The following NPAS3 variants were observed in gnomAD, a reference collection of about 807,000 sequenced individuals.
NPAS3 encodes neuronal PAS domain-containing protein 3.
A neutral mutation model predicts 73.1 loss-of-function variants in NPAS3; 14 were observed. The ratio of observed to expected loss-of-function variants is 0.19; its 90% confidence interval spans 0.13 to 0.30. The LOEUF (loss-of-function observed/expected upper bound fraction) is 0.30, where lower values mean the gene tolerates loss of function less well. NPAS3 is among the 10% of genes least tolerant of loss of function. NPAS3 has a pLI of 1.00. For missense variants in NPAS3, 1,096 were observed against 1,250.0 expected, an observed-to-expected ratio of 0.88 and a Z score of 1.86; for synonymous variants, 620 against 541.5, an observed-to-expected ratio of 1.14 and a Z score of -2.01.
At chr14:32,952,126 TAA>T (rs2036508801) in intron 1 of NPAS3, among the ~76,000 whole-genome samples, 1 of 152,064 alleles carries the variant, frequency 6.6e-6, no homozygotes, top group Non-Finnish European at 1.5e-5. Flanking sequence ...ATATGTAGAT[TAA>T]GAGTATTTCA....
intron 5 of NPAS3, among the ~76,000 whole-genome samples, chr14:33,643,437 G>T (rs900435897): frequency 1.4e-5 from 2 of 141,854 alleles, no homozygotes; most frequent in African/African-American, 5.2e-5. Flanking sequence ...ACTGTGTAAA[G>T]TTAGCAGCAC....
chr14:33,476,639 G>A (rs1369203866), intron 4 of NPAS3, among the ~76,000 whole-genome samples: 1 of 151,994 alleles, frequency 6.6e-6, no homozygotes, highest in Non-Finnish European at 1.5e-5. Context: ...ATCCCACTTT[G>A]GGACAGTTGT....
chr14:33,675,181 AGCTTTT>A (rs565777198), intron 5 of NPAS3, among the ~76,000 whole-genome samples: 107 of 152,204 alleles, frequency 7.0e-4, no homozygotes, highest in African/African-American at 2.2e-3. Context: ...CCTGGGAAAG[AGCTTTT>A]GCTTGTCCTA....
intron 4 of NPAS3, among the ~76,000 whole-genome samples, chr14:33,429,987 A>G (rs974783193): frequency 6.6e-6 from 1 of 152,126 alleles, no homozygotes; most frequent in Admixed American, 6.6e-5. Context: ...TGGTCAGCTC[A>G]ATAGGGATGT....
intron 3 of NPAS3, among the ~76,000 whole-genome samples, chr14:33,338,212 A>C (rs1339861791): frequency 1.3e-5 from 2 of 152,080 alleles, no homozygotes; most frequent in East Asian, 3.9e-4. Context: ...CTTAGATATA[A>C]ATTTTATTTC....
At chr14:33,716,028 T>C (rs1297758000) in intron 6 of NPAS3, among the ~76,000 whole-genome samples, 1 of 152,200 alleles carries the variant, frequency 6.6e-6, no homozygotes, top group Non-Finnish European at 1.5e-5. Flanking sequence ...CTTTATAAAT[T>C]ACCCAGTCTT....
chr14:33,002,362 G>A (rs2038838847), intron 1 of NPAS3, among the ~76,000 whole-genome samples: 1 of 152,190 alleles, frequency 6.6e-6, no homozygotes, highest in Admixed American at 6.5e-5. Flanking sequence ...ATTTGGATAG[G>A]TGTTTTCATT....
At chr14:33,337,231 A>G (rs1594723307) in intron 3 of NPAS3, among the ~76,000 whole-genome samples, 1 of 152,132 alleles carries the variant, frequency 6.6e-6, no homozygotes, top group East Asian at 1.9e-4. Context: ...TCCATGATCC[A>G]TTTTGAATTA....
At chr14:33,785,234 G>A (rs2063132499) in intron 9 of NPAS3, among the ~76,000 whole-genome samples, 1 of 151,440 alleles carries the variant, frequency 6.6e-6, no homozygotes, top group African/African-American at 2.4e-5. Flanking sequence ...AGGAGTTCGA[G>A]ACCAGCCTGG....
chr14:33,584,298 A>AGAC (rs1278826938), intron 5 of NPAS3, among the ~76,000 whole-genome samples: 1 of 152,154 alleles, frequency 6.6e-6, no homozygotes, highest in Non-Finnish European at 1.5e-5. Context: ...ATGCATTTGA[A>AGAC]GACATGATTT....
chr14:33,002,688 C>T (rs979260106), intron 1 of NPAS3, among the ~76,000 whole-genome samples: 13 of 152,146 alleles, frequency 8.5e-5, no homozygotes, highest in Admixed American at 7.9e-4. Context: ...GTGGCTTCCA[C>T]AAATTCTGAT....
chr14:33,069,494 G>C (rs1434741568), intron 2 of NPAS3, among the ~76,000 whole-genome samples: 1 of 152,218 alleles, frequency 6.6e-6, no homozygotes, highest in Non-Finnish European at 1.5e-5. Flanking sequence ...AGTGTGGTGG[G>C]TAAGTGTGCA....
At chr14:32,964,148 A>G (rs2037047130) in intron 1 of NPAS3, among the ~76,000 whole-genome samples, 1 of 101,922 alleles carries the variant, frequency 9.8e-6, no homozygotes, top group African/African-American at 3.7e-5. Flanking sequence ...TTTGTTCTAC[A>G]TTTTGCTGCA....
At chr14:33,578,080 C>A (rs902176573) in intron 5 of NPAS3, among the ~76,000 whole-genome samples, 18 of 152,300 alleles carry the variant, frequency 1.2e-4, no homozygotes, top group African/African-American at 4.1e-4. Flanking sequence ...TTTTCTAGTT[C>A]TTTCTAAAGG....
Position 33,323,340 on chromosome 14 carries a change from T to C in NPAS3, c.386-43846T>C, listed in dbSNP as rs147449091. On this transcript the variant is annotated intron_variant, in intron 3 of 11. Coordinates refer to ENST00000356141, the Ensembl canonical transcript of NPAS3. ...TGAAAATAATCTCTTTCCTCTTTGT[T>C]GGATGTCTTCTTAATATTCTCTGAG... 6.2e-3 allele frequency among the ~76,000 whole-genome samples: 948 copies of C among 152,318 alleles called. 12 individuals carry two copies. The highest frequency in any genetic ancestry group is 0.022 in the African/African-American group (899 of 41,572).
intron 3 of NPAS3, among the ~76,000 whole-genome samples, chr14:33,283,820 G>A (rs895099387): frequency 3.9e-5 from 6 of 152,156 alleles, no homozygotes; most frequent in African/African-American, 1.4e-4. Flanking sequence ...TTCTTTCTCT[G>A]AGGACCTGTA....
rs528839250 is a variant in NPAS3, at chr14:33,643,307, G to C, written c.559-32904G>C. ...GTCTAGGGAAAGTAATTGTTAGGCA[G>C]ACACCCTTTGCTGTAAAACACCAAC... On this transcript the variant is annotated intron_variant, in intron 5 of 11. Transcript: ENST00000356141. Among the ~76,000 whole-genome samples the C allele has an allele frequency of 2.8e-5, 4 of 142,286 alleles. No individual in the cohort carries two copies. The East Asian group carries it at 8.6e-4, about 30-fold the overall frequency. 93.3% of individuals were successfully genotyped at this position (142,286 alleles called of 152,430 possible).
intron 2 of NPAS3, among the ~76,000 whole-genome samples, chr14:33,080,101 T>C (rs996156380): frequency 6.6e-6 from 1 of 152,000 alleles, no homozygotes; most frequent in African/African-American, 2.4e-5. Context: ...CAATCTGATT[T>C]TTATTTTATT....
chr14:33,683,114 C>T (rs892897167), intron 6 of NPAS3, among the ~76,000 whole-genome samples: 5 of 151,988 alleles, frequency 3.3e-5, no homozygotes, highest in Admixed American at 2.6e-4. Context: ...AAAAATACAG[C>T]TTTTATATAA....
Sources: gnomAD v4.1 joint callset for allele counts (sites outside exome capture counted in the v4.1 genomes callset) on GRCh38, gnomAD v4.1.1 for gene constraint, MANE v1.5 for transcripts, NCBI Gene and HGNC (gene_info 2026-07-23, HGNC 2026-07-21) for gene names.